EXOC5: variants seen among roughly 807,000 people sequenced by gnomAD.
The protein encoded by EXOC5 is exocyst complex component 5.
In EXOC5, 17 loss-of-function variants were observed where a neutral mutation model predicts 90.8. The observed-to-expected ratio is 0.19, with a 90% confidence interval of 0.13 to 0.28. The LOEUF is 0.28. Among genes scored for constraint, EXOC5 ranks in the 10% least tolerant of loss-of-function variants. EXOC5 has a pLI of 1.00. For synonymous variants in EXOC5, 260 were observed against 270.0 expected (o/e 0.96, Z 0.36); for missense variants, 569 against 830.6 (o/e 0.69, Z 3.87).
chr14:57,239,028 C>T (rs960015684), intron 5 of EXOC5, among the ~76,000 whole-genome samples: 2 of 151,912 alleles, frequency 1.3e-5, no homozygotes, highest in African/African-American at 4.8e-5. Context: ...TTAGTAATGG[C>T]TCTGGGGCCT....
intron 6 of EXOC5, among the ~76,000 whole-genome samples, chr14:57,236,527 C>A (rs1883664780): frequency 6.6e-6 from 1 of 151,972 alleles, no homozygotes; most frequent in African/African-American, 2.4e-5. Flanking sequence ...CTCAGGTGAT[C>A]CACCCGCCTC....
intron 1 of EXOC5, among the ~76,000 whole-genome samples, chr14:57,262,745 G>GTGTGTATATATATATGTATATATATA (rs1566508332): frequency 3.4e-5 from 5 of 147,036 alleles, no homozygotes; most frequent in African/African-American, 1.3e-4. Context: ...ATATATGTGT[G>GTGTGTATATATATATGTATATATATA]TGTGTATATA....
chr14:57,214,836 T>C (rs1446915890), intron 15 of EXOC5, among the ~76,000 whole-genome samples: 2 of 152,056 alleles, frequency 1.3e-5, no homozygotes, highest in Non-Finnish European at 2.9e-5. Context: ...AAAAGGATAA[T>C]AGATTGGCAT....
chr14:57,210,742 A>G (rs901797022), intron 15 of EXOC5, among the ~76,000 whole-genome samples: 8 of 152,154 alleles, frequency 5.3e-5, no homozygotes, highest in Admixed American at 3.9e-4. Flanking sequence ...TCACTCACAC[A>G]TAAGTACTTA....
At chr14:57,217,072 C>T (rs1357934754) in intron 15 of EXOC5, among the ~76,000 whole-genome samples, 3 of 152,142 alleles carry the variant, frequency 2.0e-5, no homozygotes, top group African/African-American at 2.4e-5. Context: ...ACTTCACACC[C>T]GTTAGGATGG....
intron 1 of EXOC5, among the ~76,000 whole-genome samples, chr14:57,258,037 T>C: frequency 6.6e-6 from 1 of 152,210 alleles, no homozygotes; most frequent in East Asian, 1.9e-4. Flanking sequence ...CTTTACATAA[T>C]TGGTTGTTAT....
intron 5 of EXOC5, among the ~76,000 whole-genome samples, chr14:57,238,633 C>T (rs1883756334): frequency 6.6e-6 from 1 of 151,582 alleles, no homozygotes; most frequent in East Asian, 1.9e-4. Context: ...AATCATAATG[C>T]TGGGCAACTA....
At chr14:57,263,418 T>C (rs934623611) in intron 1 of EXOC5, among the ~76,000 whole-genome samples, 4 of 151,572 alleles carry the variant, frequency 2.6e-5, no homozygotes, top group Admixed American at 2.0e-4. Flanking sequence ...TGCAGTGAGC[T>C]GTGATTACAC....
At chr14:57,249,508 T>C (rs1168587238) in intron 1 of EXOC5, among the ~76,000 whole-genome samples, 2 of 152,296 alleles carry the variant, frequency 1.3e-5, no homozygotes, top group South Asian at 2.1e-4. Flanking sequence ...GATTTTTTCA[T>C]ACAAAATATT....
chr14:57,222,433 A>G lies in EXOC5; in HGVS notation c.1297-17T>C. ...ATCAGAGAGCTTAAAAACAAAAATC[A>G]AACAATATCACTCCTCAAGTCTACC... On this transcript the variant is annotated splice_polypyrimidine_tract_variant and intron_variant, in intron 12 of 17. Transcript: ENST00000621441. The G allele has an allele frequency of 7.1e-7, 1 of 1,413,570 alleles. No individual in the cohort carries two copies. The highest frequency in any genetic ancestry group is 9.9e-7 in the Non-Finnish European group (1 of 1,012,538). The allele number at this position is 1,413,570 out of a possible 1,614,324, so 87.6% of individuals were successfully genotyped here. A position where few individuals can be genotyped will look rare whatever the true frequency, so the allele number is the denominator to read the frequency against.
rs950264523 is a variant in EXOC5 at position 57,204,248 on chromosome 14, G to A, written c.*4361C>T. 2.0e-5 allele frequency: 3 copies of A among 152,068 alleles called. No homozygotes were observed. The highest frequency in any genetic ancestry group is 7.2e-5 in the African/African-American group (3 of 41,426). The allele number at this position is 152,068 out of a possible 1,614,324, so 9.4% of individuals were successfully genotyped here. On this transcript the variant is annotated 3_prime_UTR_variant, in exon 18 of 18. Coordinates refer to ENST00000621441, the MANE Select transcript of EXOC5 (RefSeq NM_006544.4). ...AGGGGCAGCCTAGCTGCTTTAATTT[G>A]GCAATTAAAATTTCTGTTCTCTAAA...
rs61373267 is a variant in EXOC5 at position 57,238,223 on chromosome 14, TACACACACACAC to T, written c.531-869_531-858del. Among the ~76,000 whole-genome samples the T allele has an allele frequency of 1.9e-4, 24 of 125,088 alleles. 1 individual carries two copies. The highest frequency in any genetic ancestry group is 2.5e-4 in the African/African-American group (8 of 32,622). The allele number at this position is 125,088 out of a possible 152,430, so 82.1% of individuals were successfully genotyped here. A position where few individuals can be genotyped will look rare whatever the true frequency, so the allele number is the denominator to read the frequency against. Reference sequence around the variant, plus strand: ...ATATATATTCAACTCCACATATATATACACACACACACACACACACACACACACACACTCATA... The same window carrying T: ...ATATATATTCAACTCCACATATATATACACACACACACACACACACTCATA... On this transcript the variant is annotated intron_variant, in intron 5 of 17. Transcript: ENST00000621441.
At chr14:57,209,088 TA>T (rs1441545852) in intron 17 of EXOC5, among the ~76,000 whole-genome samples, 1 of 152,196 alleles carries the variant, frequency 6.6e-6, no homozygotes, top group Non-Finnish European at 1.5e-5. Context: ...TTTCATAATT[TA>T]AATGTTACAG....
intron 1 of EXOC5, among the ~76,000 whole-genome samples, chr14:57,248,094 G>GT (rs200141338): frequency 0.014 from 1,940 of 140,070 alleles, 30 homozygotes; most frequent in African/African-American, 0.041. Context: ...ATCTCACAAA[G>GT]TTTTTTTTTT....
rs575641049 is a variant in EXOC5 at position 57,244,641 on chromosome 14, A to C, written c.271-282T>G. On this transcript the variant is annotated intron_variant, in intron 3 of 17. Coordinates refer to ENST00000621441, the MANE Select transcript of EXOC5 (RefSeq NM_006544.4). ...TCATCCTGTTTTAAAAAAACACTCA[A>C]CACCATTTAGCCCCAAATGATGATT... Among the ~76,000 whole-genome samples the C allele has an allele frequency of 3.1e-3, 476 of 152,318 alleles. 25 individuals carry two copies. In the South Asian group the frequency reaches 0.095, roughly 31 times the overall value.
Position 57,232,710 on chromosome 14 carries a change from C to G in EXOC5, c.895G>C (p.Asp299His). 1 of 1,553,388 alleles carries G rather than the reference C, an allele frequency of 6.4e-7. No homozygotes were observed. ...AGATTTTTGAGATATTGCTCTGCATCGGACTTCCTACATTCTTCTAACTGC... is the reference window on the plus strand; with the variant it reads ...AGATTTTTGAGATATTGCTCTGCATGGGACTTCCTACATTCTTCTAACTGC... ...KEQLEECRKS[D>H]AEQYLKNLYD... Residue 299 changes from aspartate to histidine, a missense_variant, in exon 10 of 18, where the codon GAT (aspartate) becomes CAT (histidine). Asp to His is a moderately conservative substitution (Grantham distance 81, BLOSUM62 -1). Around this residue, in one of 9 missense-constraint regions of EXOC5, gnomAD observed 114 missense variants for 111.2 expected, o/e 1.03. Transcript: ENST00000621441.
At position 57,227,512 on chromosome 14, in the gene EXOC5, A is replaced by C. The variant is rs546719976; in HGVS notation, c.1296+2222T>G. Among the ~76,000 whole-genome samples, 11 of 152,288 alleles carry C rather than the reference A, an allele frequency of 7.2e-5. No homozygotes were observed. In the East Asian group the frequency reaches 2.1e-3, roughly 29 times the overall value. On this transcript the variant is annotated intron_variant, in intron 12 of 17. Coordinates refer to ENST00000621441, the MANE Select transcript of EXOC5 (RefSeq NM_006544.4). ...GTTATACATATCACATGAACCTATG[A>C]GTTTCTCTAAGAAACTGCCAAATTA...
At position 57,204,072 on chromosome 14, in the gene EXOC5, C is replaced by T. The variant is rs999960031; in HGVS notation, c.*4537G>A. 6.6e-6 allele frequency: 1 copy of T among 152,352 alleles called. No homozygotes were observed. Among genetic ancestry groups the T allele is most frequent in the Non-Finnish European group, 1.5e-5 (1 of 68,004 alleles). 9.4% of individuals were successfully genotyped at this position (152,352 alleles called of 1,614,324 possible). ...GTATGGTGAGGCAGACTGCAACCTT[C>T]TAAACCACTTAGAAAATGGGCGAGT... On this transcript the variant is annotated 3_prime_UTR_variant, in exon 18 of 18. Coordinates refer to ENST00000621441, the MANE Select transcript of EXOC5 (RefSeq NM_006544.4).
rs1287525474 is a variant in EXOC5, at chr14:57,207,788, ATAATAT to A, written c.*815_*820del. ...TACCTCACTTTTTTTTACTTCCCTTATAATATTAAAATAATGAATAAATATGGTCCT... is the reference window on the plus strand; with the variant it reads ...TACCTCACTTTTTTTTACTTCCCTTATAAAATAATGAATAAATATGGTCCT... On this transcript the variant is annotated 3_prime_UTR_variant, in exon 18 of 18. Transcript: ENST00000621441. The A allele has an allele frequency of 6.6e-6, 1 of 152,070 alleles. No individual in the cohort carries two copies. The highest frequency in any genetic ancestry group is 2.4e-5 in the African/African-American group (1 of 41,430). The allele number at this position is 152,070 out of a possible 1,614,324, so 9.4% of individuals were successfully genotyped here.
Sources: gnomAD v4.1 joint callset for allele counts (sites outside exome capture counted in the v4.1 genomes callset) on GRCh38, gnomAD v4.1.1 for gene constraint, gnomAD v4.1.1 regional missense constraint, MANE v1.5 for transcripts, NCBI Gene and HGNC (gene_info 2026-07-23, HGNC 2026-07-21) for gene names.